The following NPAS3 variants were observed in gnomAD, a reference collection of about 807,000 sequenced individuals.
NPAS3 encodes the protein neuronal PAS domain-containing protein 3.
Under a neutral mutation model 73.1 loss-of-function variants are expected in NPAS3, and 14 were observed. That is an observed-to-expected ratio of 0.19 (90% CI 0.13 to 0.30). The LOEUF is 0.30. NPAS3 is among the 10% of genes least tolerant of loss of function. The pLI is 1.00. For missense variants in NPAS3, 1,096 were observed against 1,250.0 expected, an observed-to-expected ratio of 0.88 and a Z score of 1.86; for synonymous variants, 620 against 541.5, an observed-to-expected ratio of 1.14 and a Z score of -2.01.
At chr14:33,108,617 G>A (rs2042795713) in intron 2 of NPAS3, among the ~76,000 whole-genome samples, 2 of 152,114 alleles carry the variant, frequency 1.3e-5, no homozygotes, top group South Asian at 4.1e-4. Context: ...ATCAAAATGT[G>A]TACAAAATTA....
intron 1 of NPAS3, among the ~76,000 whole-genome samples, chr14:32,954,796 T>A (rs533435875): frequency 5.9e-5 from 9 of 152,172 alleles, no homozygotes; most frequent in Non-Finnish European, 1.2e-4. Context: ...CCATAGTAAC[T>A]GTCCTGTAAA....
At chr14:33,317,983 A>C (rs1191093590) in intron 3 of NPAS3, among the ~76,000 whole-genome samples, 1 of 152,096 alleles carries the variant, frequency 6.6e-6, no homozygotes, top group Non-Finnish European at 1.5e-5. Flanking sequence ...GAGCAACTCC[A>C]CTTCTGGGAA....
rs1366221231 is a variant in NPAS3, at chr14:32,967,314, TA to T, written c.50+27949del. Among the ~76,000 whole-genome samples the T allele has an allele frequency of 5.3e-5, 8 of 152,356 alleles. No homozygotes were observed. In the East Asian group the frequency reaches 1.5e-3, roughly 29 times the overall value. ...AGAATATATAATGCAACATATAATTTACAAAGTATGTGGAAATCAACTGTTT... is the reference window on the plus strand; with the variant it reads ...AGAATATATAATGCAACATATAATTTCAAAGTATGTGGAAATCAACTGTTT... On this transcript the variant is annotated intron_variant, in intron 1 of 11. Coordinates refer to ENST00000356141, the Ensembl canonical transcript of NPAS3.
At chr14:33,525,263 G>C (rs937632901) in intron 4 of NPAS3, among the ~76,000 whole-genome samples, 2 of 152,146 alleles carry the variant, frequency 1.3e-5, no homozygotes, top group African/African-American at 4.8e-5. Flanking sequence ...GAACTTGGAT[G>C]TTTTATAATT....
At chr14:33,490,646 G>T (rs2051848801) in intron 4 of NPAS3, among the ~76,000 whole-genome samples, 4 of 152,172 alleles carry the variant, frequency 2.6e-5, no homozygotes, top group Admixed American at 2.6e-4. Flanking sequence ...GGAAGGGCAT[G>T]CACATGAACT....
intron 4 of NPAS3, among the ~76,000 whole-genome samples, chr14:33,443,705 A>G (rs2049353779): frequency 1.3e-5 from 2 of 152,226 alleles, no homozygotes; most frequent in African/African-American, 2.4e-5. Flanking sequence ...TCACGCTGTG[A>G]CTGAGAAGGA....
intron 4 of NPAS3, among the ~76,000 whole-genome samples, chr14:33,454,773 C>A (rs1386864979): frequency 6.6e-6 from 1 of 152,140 alleles, no homozygotes; most frequent in Non-Finnish European, 1.5e-5. Context: ...TGCCTTAGGA[C>A]CTACTGCATC....
At chr14:33,271,717 G>A (rs2140014391) in intron 3 of NPAS3, among the ~76,000 whole-genome samples, 1 of 152,240 alleles carries the variant, frequency 6.6e-6, no homozygotes, top group South Asian at 2.1e-4. Context: ...TACTAGAGCA[G>A]TATTAGCATA....
At chr14:33,584,412 AG>A (rs112243518) in intron 5 of NPAS3, among the ~76,000 whole-genome samples, 6 of 150,228 alleles carry the variant, frequency 4.0e-5, no homozygotes, top group African/African-American at 7.4e-5. Context: ...AAAAAAAAAA[AG>A]GGGGATCAAT....
intron 1 of NPAS3, among the ~76,000 whole-genome samples, chr14:32,967,417 T>C (rs1400186397): frequency 6.6e-6 from 1 of 152,072 alleles, no homozygotes; most frequent in African/African-American, 2.4e-5. Flanking sequence ...TATACACAGA[T>C]TTTCAACTTT....
chr14:33,322,187 T>G (rs1387683776), intron 3 of NPAS3, among the ~76,000 whole-genome samples: 1 of 152,194 alleles, frequency 6.6e-6, no homozygotes, highest in Non-Finnish European at 1.5e-5. Flanking sequence ...TGATGAAAAT[T>G]ACTGGCAGTG....
chr14:33,415,578 C>T (rs540666541), intron 4 of NPAS3, among the ~76,000 whole-genome samples: 5 of 152,206 alleles, frequency 3.3e-5, no homozygotes, highest in South Asian at 4.1e-4. Context: ...ACAAATGTAC[C>T]ATAGCATACT....
At chr14:33,282,655 C>T (rs1043559925) in intron 3 of NPAS3, among the ~76,000 whole-genome samples, 5 of 152,266 alleles carry the variant, frequency 3.3e-5, no homozygotes, top group African/African-American at 7.2e-5. Context: ...TGAAATTTTT[C>T]GGCTGCTAGA....
At chr14:33,176,160 C>T (rs530101855) in intron 2 of NPAS3, among the ~76,000 whole-genome samples, 1 of 152,172 alleles carries the variant, frequency 6.6e-6, no homozygotes, top group South Asian at 2.1e-4. Context: ...CAAATTATGC[C>T]AGAGAACAAC....
At chr14:33,012,157 C>A (rs1213236915) in intron 1 of NPAS3, among the ~76,000 whole-genome samples, 1 of 152,124 alleles carries the variant, frequency 6.6e-6, no homozygotes, top group Non-Finnish European at 1.5e-5. Context: ...TTAAAAACAG[C>A]CTTGCCCTAT....
At chr14:33,595,380 A>C (rs1449726021) in intron 5 of NPAS3, among the ~76,000 whole-genome samples, 2 of 152,188 alleles carry the variant, frequency 1.3e-5, no homozygotes, top group Non-Finnish European at 2.9e-5. Flanking sequence ...AAGACCTATC[A>C]ATCTGCCTTA....
In NPAS3 at chr14:33,513,537, C is replaced by T. The variant is rs183866604; in HGVS notation, c.469-46584C>T. Among the ~76,000 whole-genome samples, 274 of 152,088 alleles carry T rather than the reference C, an allele frequency of 1.8e-3. 2 individuals carry two copies. Among genetic ancestry groups the T allele is most frequent in the African/African-American group, 6.3e-3 (261 of 41,520 alleles). ...TAATAAGTACTGTTATTATTTCCAT[C>T]CTGTAAAAATAGAGCTGCACCTTAG... On this transcript the variant is annotated intron_variant, in intron 4 of 11. Transcript: ENST00000356141.
intron 1 of NPAS3, among the ~76,000 whole-genome samples, chr14:33,041,956 G>A (rs1322467243): frequency 6.6e-6 from 1 of 152,138 alleles, no homozygotes; most frequent in East Asian, 1.9e-4. Flanking sequence ...GGAAGCATGA[G>A]AGTTGGTTTC....
chr14:33,253,084 T>C (rs538698037), intron 3 of NPAS3, among the ~76,000 whole-genome samples: 2 of 152,078 alleles, frequency 1.3e-5, no homozygotes, highest in Non-Finnish European at 2.9e-5. Flanking sequence ...GCGATGAACA[T>C]AAGTGGAAAT....
Sources: gnomAD v4.1 joint callset for allele counts (sites outside exome capture counted in the v4.1 genomes callset) on GRCh38, gnomAD v4.1.1 for gene constraint, MANE v1.5 for transcripts, NCBI Gene and HGNC (gene_info 2026-07-23, HGNC 2026-07-21) for gene names.